The following TNIP3 variants were observed in gnomAD, a reference collection of about 807,000 sequenced individuals.
TNIP3 encodes TNFAIP3 interacting protein 3.
Under a neutral mutation model 54.1 loss-of-function variants are expected in TNIP3, and 34 were observed. The ratio of observed to expected loss-of-function variants is 0.63; its 90% CI spans 0.48 to 0.84. The LOEUF is 0.84. Among genes scored for constraint, TNIP3 ranks in the 40% least tolerant of loss-of-function variants. The pLI, the probability that TNIP3 is intolerant of heterozygous loss-of-function variation, is 0.00. For missense variants in TNIP3, 366 were observed against 387.6 expected, an observed-to-expected ratio of 0.94 and a Z score of 0.47; for synonymous variants, 134 against 136.8, an observed-to-expected ratio of 0.98 and a Z score of 0.14.
chr4:121,149,178 C>T (rs1462929112), intron 6 of TNIP3, among the ~76,000 whole-genome samples: 1 of 152,300 alleles, frequency 6.6e-6, no homozygotes, highest in East Asian at 1.9e-4. Context: ...CCAATAGATA[C>T]ATGCGGAAGT....
chr4:121,143,765 A>G (rs896729509), intron 7 of TNIP3, among the ~76,000 whole-genome samples: 1 of 152,242 alleles, frequency 6.6e-6, no homozygotes, highest in Admixed American at 6.5e-5. Context: ...CTTATTTAAT[A>G]TGTATTGTTG....
intron 2 of TNIP3, among the ~76,000 whole-genome samples, chr4:121,159,499 A>G (rs935494015): frequency 5.3e-5 from 8 of 152,354 alleles, no homozygotes; most frequent in Non-Finnish European, 7.3e-5. Flanking sequence ...TACACTGATT[A>G]TAATGAAATA....
chr4:121,146,593 A>T (rs1729444477), intron 7 of TNIP3, among the ~76,000 whole-genome samples: 1 of 152,194 alleles, frequency 6.6e-6, no homozygotes, highest in Non-Finnish European at 1.5e-5. Flanking sequence ...CTCCAGTTAC[A>T]TTACATCTGG....
intron 2 of TNIP3, among the ~76,000 whole-genome samples, chr4:121,202,712 G>T (rs987324832): frequency 2.0e-5 from 3 of 151,944 alleles, no homozygotes; most frequent in Non-Finnish European, 4.4e-5. Context: ...AATCTACAAG[G>T]AACTCAAAGA....
chr4:121,166,236 A>C (rs191401670), upstream of TNIP3, among the ~76,000 whole-genome samples: 44 of 152,342 alleles, frequency 2.9e-4, no homozygotes, highest in African/African-American at 7.9e-4. Context: ...TGTTATGCAG[A>C]TAAACAACAA....
At chr4:121,168,431 C>A (rs1449806717), upstream of TNIP3, among the ~76,000 whole-genome samples, 1 of 152,002 alleles carries the variant, frequency 6.6e-6, no homozygotes, top group African/African-American at 2.4e-5. Context: ...GAACTTCTGA[C>A]CTTGTGATCC....
rs1553939166 is a variant in TNIP3, at chr4:121,222,811, T to TTTTTG, written c.3+4573_3+4574insCAAAA. Among the ~76,000 whole-genome samples the TTTTTG allele has an allele frequency of 1.9e-3, 267 of 142,904 alleles. 1 individual carries two copies. The highest frequency in any genetic ancestry group is 6.5e-3 in the African/African-American group (248 of 38,176). 93.8% of individuals were successfully genotyped at this position (142,904 alleles called of 152,430 possible). On this transcript the variant is annotated intron_variant, in intron 1 of 12. Coordinates refer to the TNIP3 transcript ENST00000509841. Reference sequence around the variant, plus strand: ...TGAGGGTGTTTTTTGTGCGTTTTTTTTTTTTTTTTTTTGAGACGGAGTCTC... The same window carrying TTTTTG: ...TGAGGGTGTTTTTTGTGCGTTTTTTTTTTTGTTTTTTTTTTTTGAGACGGAGTCTC...
At chr4:121,165,493 A>G (rs1184594672), upstream of TNIP3, among the ~76,000 whole-genome samples, 1 of 152,040 alleles carries the variant, frequency 6.6e-6, no homozygotes, top group Admixed American at 6.5e-5. Flanking sequence ...GCACTTCATC[A>G]TGCATTACGA....
intron 10 of TNIP3, among the ~76,000 whole-genome samples, chr4:121,136,858 A>G (rs1307709869): frequency 2.1e-4 from 13 of 62,246 alleles, no homozygotes; most frequent in South Asian, 1.1e-3. Flanking sequence ...ACTGTCTCCG[A>G]AAAAAAAAAA....
At chr4:121,219,132 G>A (rs988052177), upstream of TNIP3, among the ~76,000 whole-genome samples, 3 of 151,244 alleles carry the variant, frequency 2.0e-5, no homozygotes, top group African/African-American at 4.9e-5. Flanking sequence ...CCAAGGAGGC[G>A]GAGGTTGCAG....
intron 3 of TNIP3, among the ~76,000 whole-genome samples, chr4:121,176,513 TTA>T (rs398107927): frequency 9.2e-6 from 1 of 108,618 alleles, no homozygotes; most frequent in African/African-American, 3.0e-5. Flanking sequence ...CCTACTAGCA[TTA>T]TGATGATGAT....
intron 2 of TNIP3, among the ~76,000 whole-genome samples, chr4:121,197,745 G>C (rs1339868800): frequency 1.6e-4 from 24 of 152,094 alleles, no homozygotes; most frequent in Non-Finnish European, 7.4e-5. Context: ...GGCAAATTTA[G>C]AAATCCTCCT....
Position 121,131,917 on chromosome 4 carries a change from G to A in TNIP3, c.*714C>T, listed in dbSNP as rs1728497064. On this transcript the variant is annotated 3_prime_UTR_variant, in exon 11 of 11. Coordinates refer to ENST00000057513, the MANE Select transcript of TNIP3 (RefSeq NM_024873.6). ...CCCAAAGTGCTGGGATTATAGGCAT[G>A]AGCCACTGCACCCAGCCCAAGACTT... The A allele has an allele frequency of 6.6e-6, 1 of 152,268 alleles. No individual in the cohort carries two copies. Among genetic ancestry groups the A allele is most frequent in the Non-Finnish European group, 1.5e-5 (1 of 68,148 alleles). 9.4% of individuals were successfully genotyped at this position (152,268 alleles called of 1,614,324 possible). A position where few individuals can be genotyped will look rare whatever the true frequency, so the allele number is the denominator to read the frequency against.
Position 121,139,785 on chromosome 4 carries a change from TTTA to T in TNIP3, c.886-1104_886-1102del, listed in dbSNP as rs560678789. ...AGAGGAAATGAGATCACCTCTGTTT[TTTA>T]TCTTCTCGTTTATTTTTAGATGTCT... On this transcript the variant is annotated intron_variant, in intron 9 of 10. Coordinates refer to ENST00000057513, the MANE Select transcript of TNIP3 (RefSeq NM_024873.6). 1.4e-4 allele frequency among the ~76,000 whole-genome samples: 22 copies of T among 152,288 alleles called. No homozygotes were observed. The South Asian group carries it at 4.4e-3, about 30-fold the overall frequency.
intron 9 of TNIP3, among the ~76,000 whole-genome samples, chr4:121,139,432 A>G (rs1472284517): frequency 1.3e-5 from 2 of 152,160 alleles, no homozygotes; most frequent in African/African-American, 2.4e-5. Context: ...GAATGGAGCA[A>G]TCTCAGCTTT....
chr4:121,132,316 T>A lies in TNIP3; in HGVS notation c.*315A>T. 3.2e-6 allele frequency: 1 copy of A among 316,466 alleles called. No homozygotes were observed. The highest frequency in any genetic ancestry group is 5.8e-6 in the Non-Finnish European group (1 of 172,054). The allele number at this position is 316,466 out of a possible 1,614,324, so 19.6% of individuals were successfully genotyped here. ...ACACTGAGTTGCCTAAATCATAGAA[T>A]CATTTTTGTGCATCCAACAGCAATA... On this transcript the variant is annotated 3_prime_UTR_variant, in exon 11 of 11. Transcript: ENST00000057513.
chr4:121,182,654 G>C, intron 3 of TNIP3: 1 of 1,533,302 alleles, frequency 6.5e-7, no homozygotes, highest in Non-Finnish European at 8.7e-7. Flanking sequence ...TCGAGATAAG[G>C]AGAAAAAAGG....
chr4:121,150,784 C>T (rs1729702670), intron 5 of TNIP3, among the ~76,000 whole-genome samples: 2 of 152,216 alleles, frequency 1.3e-5, no homozygotes, highest in African/African-American at 4.8e-5. Flanking sequence ...GAAATGAAAG[C>T]CCATGCAGAT....
chr4:121,148,984 G>A (rs1729584557), intron 6 of TNIP3, among the ~76,000 whole-genome samples: 1 of 152,094 alleles, frequency 6.6e-6, no homozygotes, highest in Non-Finnish European at 1.5e-5. Context: ...GTTCCTTTAT[G>A]TATCCTGTAT....
Sources: gnomAD v4.1 joint callset for allele counts (sites outside exome capture counted in the v4.1 genomes callset) on GRCh38, gnomAD v4.1.1 for gene constraint, MANE v1.5 for transcripts, NCBI Gene and HGNC (gene_info 2026-07-23, HGNC 2026-07-21) for gene names.